Variants in RFX8 observed in about 807,000 individuals in gnomAD.
RFX8 encodes regulatory factor X8, also known as DNA-binding protein RFX8.
In RFX8, 46 loss-of-function variants were observed where a neutral mutation model predicts 54.6. That is an observed-to-expected ratio of 0.84 (90% CI 0.67 to 1.08). The LOEUF (loss-of-function observed/expected upper bound fraction) is 1.08, where lower values mean the gene tolerates loss of function less well. RFX8 is among the 50% of genes least tolerant of loss of function. The pLI is 0.00. For synonymous variants in RFX8, 192 were observed against 209.5 expected, an observed-to-expected ratio of 0.92 and a Z score of 0.72; for missense variants, 536 against 562.3, an observed-to-expected ratio of 0.95 and a Z score of 0.47.
intron 2 of RFX8, among the ~76,000 whole-genome samples, chr2:101,443,800 G>A (rs1015308069): frequency 2.6e-5 from 4 of 152,106 alleles, no homozygotes; most frequent in African/African-American, 9.7e-5. Context: ...ACTAGGAAAG[G>A]GAAGGGAAGT....
chr2:101,403,819 GT>G (rs1685582245), intron 10 of RFX8, among the ~76,000 whole-genome samples: 4 of 152,028 alleles, frequency 2.6e-5, no homozygotes, highest in African/African-American at 9.7e-5. Context: ...CATATCAAAG[GT>G]TTTATTTAAC....
Position 101,412,682 on chromosome 2 carries a change from A to T in RFX8, c.718+233T>A, listed in dbSNP as rs918815403. On this transcript the variant is annotated intron_variant, in intron 8 of 11. Coordinates refer to ENST00000428343, the MANE Select transcript of RFX8 (RefSeq NM_001145664.2). ...TCGTTTATGGACTCAACTAACAGGT[A>T]TCAGCACTGCTGCCCTGTCTGGCCC... 9.2e-5 allele frequency among the ~76,000 whole-genome samples: 14 copies of T among 152,230 alleles called. No homozygotes were observed. In the East Asian group the frequency reaches 2.1e-3, roughly 23 times the overall value.
intron 1 of RFX8, among the ~76,000 whole-genome samples, chr2:101,470,831 T>C (rs1278959233): frequency 6.8e-6 from 1 of 146,068 alleles, no homozygotes; most frequent in African/African-American, 2.5e-5. Context: ...GTCATTCTCC[T>C]ACCTCAGCCT....
chr2:101,402,873 T>C, intron 10 of RFX8, 121 bp from the exon 11 acceptor site: 1 of 909,990 alleles, frequency 1.1e-6, no homozygotes, highest in Non-Finnish European at 1.6e-6. Flanking sequence ...TTCCAATAGC[T>C]TACCCAGAAG....
rs563822990 is a variant in RFX8, at chr2:101,411,272, CCAAG to C, written c.719-563_719-560del. ...CCAGCTTTTTGAGTGCTTCTGCATA[CCAAG>C]CAGAGTTTGGAAAACTGAGTCGGTT... is the stretch of plus-strand genomic sequence containing the variant. On this transcript the variant is annotated intron_variant, in intron 8 of 11. Coordinates refer to ENST00000428343, the MANE Select transcript of RFX8 (RefSeq NM_001145664.2). Among the ~76,000 whole-genome samples, 7 of 152,314 alleles carry C rather than the reference CCAAG, an allele frequency of 4.6e-5. No homozygotes were observed. The East Asian group carries it at 1.4e-3, about 29-fold the overall frequency.
At chr2:101,442,605 T>C (rs185716014) in intron 2 of RFX8, among the ~76,000 whole-genome samples, 172 of 152,326 alleles carry the variant, frequency 1.1e-3, no homozygotes, top group Middle Eastern at 3.4e-3. Context: ...TGTGTTGCCA[T>C]TCAAATCACT....
At position 101,410,620 on chromosome 2, in the gene RFX8, TGGAACACA is replaced by T; in HGVS notation, c.804_811del (p.Phe268LeufsTer38). The T allele has an allele frequency of 6.7e-7, 1 of 1,496,108 alleles. No homozygotes were observed. The highest frequency in any genetic ancestry group is 2.5e-5 in the East Asian group (1 of 40,560). The allele number at this position is 1,496,108 out of a possible 1,614,324, so 92.7% of individuals were successfully genotyped here. On this transcript the variant is annotated frameshift_variant and splice_region_variant, in exon 9 of 12. Transcript: ENST00000428343. LOFTEE classifies it high-confidence loss of function. ...TTTTTTTAAGTCACAGCTTCCTACC[TGGAACACA>T]AATGCTTGGAGATGTGAAGACAGAC...
intron 7 of RFX8, 101 bp from the exon 8 acceptor site, chr2:101,413,172 G>A: frequency 3.3e-6 from 3 of 897,140 alleles, no homozygotes; most frequent in Non-Finnish European, 5.2e-6. Context: ...GGGGGAGAAA[G>A]AAACATTGAT....
intron 1 of RFX8, among the ~76,000 whole-genome samples, chr2:101,473,184 G>A (rs1316475619): frequency 1.3e-5 from 2 of 152,136 alleles, no homozygotes; most frequent in Non-Finnish European, 2.9e-5. Context: ...AGGATGTTCA[G>A]GTATTTTTTA....
Position 101,412,984 on chromosome 2 carries a change from T to C in RFX8, c.649A>G (p.Thr217Ala). The change falls in exon 8 of 12, where the codon ACT (threonine) becomes GCT (alanine). Residue 217 changes from threonine to alanine, a missense_variant. Thr to Ala is a moderately conservative substitution (Grantham distance 58). Coordinates refer to ENST00000428343, the MANE Select transcript of RFX8 (RefSeq NM_001145664.2). ...QAIINQGTLA[T>A]SKKALASDRS... ...TCACTTGCCAGGGCTTTCTTAGAAG[T>C]AGCCAAAGTGCCTTGATTGATGATG... 2 of 1,551,954 alleles carry C rather than the reference T, an allele frequency of 1.3e-6. No homozygotes were observed. The highest frequency in any genetic ancestry group is 4.9e-5 in the East Asian group (2 of 40,906).
chr2:101,469,050 AT>A (rs1391663607), intron 1 of RFX8, among the ~76,000 whole-genome samples: 1 of 32,364 alleles, frequency 3.1e-5, no homozygotes, highest in Non-Finnish European at 6.6e-5. Context: ...ATGTATATAT[AT>A]ATACGTATAT....
intron 10 of RFX8, among the ~76,000 whole-genome samples, chr2:101,404,582 C>A (rs376554213): frequency 2.0e-5 from 3 of 152,024 alleles, no homozygotes; most frequent in East Asian, 3.9e-4. Context: ...TGGGCCACCA[C>A]ACCTGGCTAA....
At chr2:101,442,500 C>T (rs1356991127) in intron 2 of RFX8, among the ~76,000 whole-genome samples, 1 of 151,352 alleles carries the variant, frequency 6.6e-6, no homozygotes, top group Non-Finnish European at 1.5e-5. Flanking sequence ...AATAAATTTG[C>T]TGGATGTAGA....
At chr2:101,442,852 G>A (rs1440631017) in intron 2 of RFX8, among the ~76,000 whole-genome samples, 1 of 152,008 alleles carries the variant, frequency 6.6e-6, no homozygotes, top group Non-Finnish European at 1.5e-5. Context: ...TCCTACTGAT[G>A]CTCCTGGCGG....
chr2:101,401,376 C>T (rs1685435505), intron 11 of RFX8, among the ~76,000 whole-genome samples: 1 of 152,050 alleles, frequency 6.6e-6, no homozygotes, highest in Non-Finnish European at 1.5e-5. Flanking sequence ...AGAGTCTGCT[C>T]AAGAAGGAAA....
Position 101,458,641 on chromosome 2 carries a change from C to A in RFX8, c.72+8136G>T, listed in dbSNP as rs185865295. ...GACCTTTCTCTCTGTCTGCCCTTAA[C>A]ACTTTTTCCTTCATTTCAACCTTGG... On this transcript the variant is annotated intron_variant, in intron 2 of 11. Coordinates refer to ENST00000428343, the MANE Select transcript of RFX8 (RefSeq NM_001145664.2). 9.7e-4 allele frequency among the ~76,000 whole-genome samples: 148 copies of A among 152,306 alleles called. 2 individuals carry two copies. Among genetic ancestry groups the A allele is most frequent in the Non-Finnish European group, 1.9e-4 (13 of 68,028 alleles).
chr2:101,410,469 G>A (rs1686059243), intron 9 of RFX8, 150 bp downstream of exon 9: 2 of 603,076 alleles, frequency 3.3e-6, no homozygotes, highest in Admixed American at 6.1e-5. Context: ...TACAGAGTTC[G>A]AGGCCATCCC....
At chr2:101,425,029 A>AT (rs1217330585) in intron 2 of RFX8, among the ~76,000 whole-genome samples, 4 of 82,780 alleles carry the variant, frequency 4.8e-5, no homozygotes, top group Non-Finnish European at 1.0e-4. Context: ...AAAAATAATA[A>AT]TTTGAAACAG....
In RFX8 at chr2:101,413,065, G is replaced by T; in HGVS notation, c.568C>A (p.Arg190=). ...CGCCTCTTACTTTTCAATACCATTC[G>T]CATAGTCTAAAGATAACAGGGAGGC... The part of the protein sequence containing the change: ...TYLSNMAKTM[R]MVLKSKRRVS... Residue 190 remains arginine (R), a synonymous_variant, in exon 8 of 12, where the codon CGA becomes AGA. Coordinates refer to ENST00000428343, the MANE Select transcript of RFX8 (RefSeq NM_001145664.2). The T allele has an allele frequency of 1.3e-6, 2 of 1,551,404 alleles. No homozygotes were observed. Among genetic ancestry groups the T allele is most frequent in the South Asian group, 1.2e-5 (1 of 83,994 alleles).
Sources: gnomAD v4.1 joint callset for allele counts (sites outside exome capture counted in the v4.1 genomes callset) on GRCh38, gnomAD v4.1.1 for gene constraint, MANE v1.5 for transcripts, NCBI Gene and HGNC (gene_info 2026-07-23, HGNC 2026-07-21) for gene names.